PLD5: variants seen among roughly 807,000 people sequenced by gnomAD.
The protein encoded by PLD5 is inactive phospholipase D5.
In PLD5, 36 loss-of-function variants were observed where a neutral mutation model predicts 61.1. The ratio of observed to expected loss-of-function variants is 0.59; its 90% confidence interval spans 0.45 to 0.78. The LOEUF (loss-of-function observed/expected upper bound fraction) is 0.78. Among genes scored for constraint, PLD5 ranks in the 30% least tolerant of loss-of-function variants. The probability of loss-of-function intolerance (pLI) is 0.00; values close to 1 mark genes in which losing one functional copy is unlikely to be tolerated. For synonymous variants in PLD5, 243 were observed against 242.8 expected (o/e 1.00, Z -0.01); for missense variants, 515 against 644.4 (o/e 0.80, Z 2.17).
At position 242,500,729 on chromosome 1, in the gene PLD5, A is replaced by G. The variant is rs183862971; in HGVS notation, c.189+23359T>C. 2.6e-5 allele frequency among the ~76,000 whole-genome samples: 4 copies of G among 152,260 alleles called. No individual in the cohort carries two copies. In the East Asian group the frequency reaches 5.8e-4, roughly 22 times the overall value. On this transcript the variant is annotated intron_variant, in intron 1 of 9. Transcript: ENST00000536534. The stretch of plus-strand genomic sequence containing the variant: ...GGTACAGAGCCCAGGAGCCTAAAAC[A>G]TCCAAAATTGAGGGAGACAGGATGT...
chr1:242,494,564 C>T lies in PLD5; in HGVS notation c.189+29524G>A, dbSNP rs75424839. Among the ~76,000 whole-genome samples, 1,007 of 152,278 alleles carry T rather than the reference C, an allele frequency of 6.6e-3. 14 individuals carry two copies. Among genetic ancestry groups the T allele is most frequent in the African/African-American group, 0.023 (961 of 41,568 alleles). On this transcript the variant is annotated intron_variant, in intron 1 of 9. Coordinates refer to ENST00000536534, the MANE Select transcript of PLD5 (RefSeq NM_001372062.1). Reference sequence around the variant, plus strand: ...CCCCGCCTCTAGCCAACATATCTACCTCTGCACCAGGCTTTACAGAGCAGA... The same window carrying T: ...CCCCGCCTCTAGCCAACATATCTACTTCTGCACCAGGCTTTACAGAGCAGA...
chr1:242,247,673 T>G (rs925988685), intron 4 of PLD5, among the ~76,000 whole-genome samples: 2 of 152,136 alleles, frequency 1.3e-5, no homozygotes, highest in Non-Finnish European at 2.9e-5. Context: ...GTTTTTCAGG[T>G]TTTTTGGGGG....
In PLD5 at chr1:242,104,293, T is replaced by C. The variant is rs928588788; in HGVS notation, c.1239+3378A>G. Among the ~76,000 whole-genome samples, 9 of 146,348 alleles carry C rather than the reference T, an allele frequency of 6.1e-5. No homozygotes were observed. In the South Asian group the frequency reaches 2.1e-3, roughly 33 times the overall value. On this transcript the variant is annotated intron_variant, in intron 8 of 9. Coordinates refer to ENST00000536534, the MANE Select transcript of PLD5 (RefSeq NM_001372062.1). The stretch of plus-strand genomic sequence containing the variant: ...TATGCACCACCACACCTGGCTAGTT[T>C]TTGCTTTTTTTTTTTTTTTTTGTAG...
At chr1:242,151,499 G>T (rs1007250676) in intron 5 of PLD5, among the ~76,000 whole-genome samples, 2 of 151,912 alleles carry the variant, frequency 1.3e-5, no homozygotes, top group African/African-American at 4.8e-5. Context: ...TTTCTGGTTT[G>T]CAGAGCATCC....
At position 242,342,750 on chromosome 1, in the gene PLD5, AC is replaced by A. The variant is rs566556704; in HGVS notation, c.326+5355del. Among the ~76,000 whole-genome samples the A allele has an allele frequency of 9.5e-4, 45 of 47,284 alleles. No individual in the cohort carries two copies. The South Asian group carries it at 0.024, about 26-fold the overall frequency. 31.0% of individuals were successfully genotyped at this position (47,284 alleles called of 152,430 possible). A position where few individuals can be genotyped will look rare whatever the true frequency, so the allele number is the denominator to read the frequency against. On this transcript the variant is annotated intron_variant, in intron 2 of 9. Transcript: ENST00000536534. ...GTGCCCAGAAATCCAATACAAAGAG[AC>A]AAAAAAAAAAAGGTCATTTACTGGC... is the stretch of plus-strand genomic sequence containing the variant.
chr1:242,369,964 A>T (rs1397317821), intron 1 of PLD5, among the ~76,000 whole-genome samples: 4 of 152,168 alleles, frequency 2.6e-5, no homozygotes, highest in African/African-American at 9.7e-5. Context: ...ATACCCAGAG[A>T]TCATCTACTT....
intron 2 of PLD5, among the ~76,000 whole-genome samples, chr1:242,317,993 A>G (rs542630022): frequency 6.6e-6 from 1 of 152,310 alleles, no homozygotes; most frequent in Non-Finnish European, 1.5e-5. Flanking sequence ...CTGGGTACCT[A>G]GTCAAGGAGG....
intron 3 of PLD5, among the ~76,000 whole-genome samples, chr1:242,279,563 C>T (rs1440364083): frequency 2.6e-5 from 4 of 151,700 alleles, no homozygotes; most frequent in Admixed American, 2.0e-4. Context: ...GAGACCGAGT[C>T]TTGCTGTGTC....
At chr1:242,502,217 T>C (rs1668576897) in intron 1 of PLD5, among the ~76,000 whole-genome samples, 1 of 152,168 alleles carries the variant, frequency 6.6e-6, no homozygotes, top group Non-Finnish European at 1.5e-5. Context: ...ATTTAAAACA[T>C]AAGTCATCAC....
chr1:242,268,255 C>T (rs12405776), intron 3 of PLD5, among the ~76,000 whole-genome samples: 26,575 of 152,086 alleles, frequency 0.17, 4,635 homozygotes, highest in East Asian at 0.6. Context: ...GGTCATCTCA[C>T]GTTCACGTAA....
chr1:242,089,603 T>G lies in PLD5; in HGVS notation c.*251A>C. The G allele has an allele frequency of 1.8e-6, 1 of 557,514 alleles. No homozygotes were observed. The highest frequency in any genetic ancestry group is 3.1e-6 in the Non-Finnish European group (1 of 323,694). 34.5% of individuals were successfully genotyped at this position (557,514 alleles called of 1,614,324 possible). A position where few individuals can be genotyped will look rare whatever the true frequency, so the allele number is the denominator to read the frequency against. On this transcript the variant is annotated 3_prime_UTR_variant, in exon 10 of 10. Transcript: ENST00000536534. ...AGGAATGAAAGTCTTAAAATTTGTA[T>G]GCAAACGTAAAAACTAACTTCTACG...
chr1:242,489,146 T>C (rs1037487641), intron 1 of PLD5, among the ~76,000 whole-genome samples: 1 of 151,994 alleles, frequency 6.6e-6, no homozygotes, highest in African/African-American at 2.4e-5. Context: ...TTCAAAGCCC[T>C]AGTATAGGCA....
chr1:242,312,552 A>G (rs1190361793), intron 2 of PLD5, among the ~76,000 whole-genome samples: 1 of 151,844 alleles, frequency 6.6e-6, no homozygotes, highest in Non-Finnish European at 1.5e-5. Flanking sequence ...GGTCTATAAA[A>G]CCCTTGTGAT....
intron 2 of PLD5, among the ~76,000 whole-genome samples, chr1:242,304,269 C>T (rs1022091594): frequency 6.6e-6 from 1 of 152,212 alleles, no homozygotes; most frequent in African/African-American, 2.4e-5. Flanking sequence ...CATAAGTTTT[C>T]TCGTGAGTGC....
Position 242,112,283 on chromosome 1 carries a change from C to CTGTGTGTGTG in PLD5, c.1070+1597_1070+1606dup, listed in dbSNP as rs748175841. On this transcript the variant is annotated intron_variant, in intron 7 of 9. Transcript: ENST00000536534. ...AATCCATGAATGTCCAAAGGATGCA[C>CTGTGTGTGTG]TGTGTGTGTGTGTGTGTGTGTGTGT... is the stretch of plus-strand genomic sequence containing the variant. 4.4e-3 allele frequency among the ~76,000 whole-genome samples: 527 copies of CTGTGTGTGTG among 119,712 alleles called. 1 individual carries two copies. Among genetic ancestry groups the CTGTGTGTGTG allele is most frequent in the East Asian group, 7.0e-3 (30 of 4,306 alleles). 78.5% of individuals were successfully genotyped at this position (119,712 alleles called of 152,430 possible). A position where few individuals can be genotyped will look rare whatever the true frequency, so the allele number is the denominator to read the frequency against.
chr1:242,111,485 C>T (rs890191083), intron 7 of PLD5, among the ~76,000 whole-genome samples: 10 of 151,892 alleles, frequency 6.6e-5, no homozygotes, highest in African/African-American at 1.2e-4. Context: ...TTTTTTTACA[C>T]GCTGTTAATC....
At chr1:242,213,867 T>C (rs1314677150) in intron 5 of PLD5, among the ~76,000 whole-genome samples, 2 of 151,782 alleles carry the variant, frequency 1.3e-5, no homozygotes, top group South Asian at 2.1e-4. Context: ...ATGGGTTTTT[T>C]TTTTTTGCTC....
At chr1:242,149,231 T>G (rs1664753862) in intron 5 of PLD5, among the ~76,000 whole-genome samples, 1 of 151,970 alleles carries the variant, frequency 6.6e-6, no homozygotes. Context: ...TGCCAGAGTC[T>G]TTATTTGAAC....
chr1:242,181,814 T>C (rs1215256398), intron 5 of PLD5, among the ~76,000 whole-genome samples: 1 of 152,120 alleles, frequency 6.6e-6, no homozygotes, highest in Admixed American at 6.6e-5. Flanking sequence ...AGCTAATTTT[T>C]GTATTTTTAG....
Sources: gnomAD v4.1 joint callset for allele counts (sites outside exome capture counted in the v4.1 genomes callset) on GRCh38, gnomAD v4.1.1 for gene constraint, MANE v1.5 for transcripts, NCBI Gene and HGNC (gene_info 2026-07-23, HGNC 2026-07-21) for gene names.